The following EPB41L4B variants were observed in gnomAD, a reference collection of about 807,000 sequenced individuals.
EPB41L4B encodes erythrocyte membrane protein band 4.1 like 4B, also known as band 4.1-like protein 4B.
A neutral mutation model predicts 112.5 loss-of-function variants in EPB41L4B; 30 were observed. The ratio of observed to expected loss-of-function variants is 0.27; its 90% CI spans 0.20 to 0.36. The LOEUF is 0.36. Ranked by LOEUF, EPB41L4B falls within the 10% of genes least tolerant of loss-of-function variation. EPB41L4B has a pLI of 1.00. For missense variants in EPB41L4B, 1,024 were observed against 1,133.3 expected (o/e 0.90, Z 1.38); for synonymous variants, 408 against 439.7 (o/e 0.93, Z 0.90).
At chr9:109,183,460 G>A (rs566165753) in intron 23 of EPB41L4B, among the ~76,000 whole-genome samples, 3 of 152,288 alleles carry the variant, frequency 2.0e-5, no homozygotes, top group Non-Finnish European at 4.4e-5. Context: ...GTAGTACTGA[G>A]CTAGTCTGAA....
intron 1 of EPB41L4B, among the ~76,000 whole-genome samples, chr9:109,284,285 G>A (rs546217196): frequency 4.6e-4 from 70 of 152,240 alleles, no homozygotes; most frequent in South Asian, 1.7e-3. Context: ...CCCAAAGTAC[G>A]GTTTTCACTG....
In EPB41L4B at chr9:109,237,406, C is replaced by T. The variant is rs761225972; in HGVS notation, c.1409+6212G>A. On this transcript the variant is annotated intron_variant, in intron 15 of 25. Coordinates refer to ENST00000374566, the MANE Select transcript of EPB41L4B (RefSeq NM_019114.5). ...AACATGAATAGATGATAAACCAGTA[C>T]ATACCCGAGTTCCAAAATGTAAAAG... 2.1e-3 allele frequency among the ~76,000 whole-genome samples: 319 copies of T among 152,272 alleles called. 3 individuals are homozygous for T. Among genetic ancestry groups the T allele is most frequent in the Non-Finnish European group, 1.3e-3 (91 of 68,026 alleles).
At chr9:109,185,642 T>G (rs1588119351) in intron 22 of EPB41L4B, 37 bp from the exon 23 acceptor site, 4 of 1,508,292 alleles carry the variant, frequency 2.7e-6, no homozygotes, top group Non-Finnish European at 3.6e-6. Context: ...GAGGAGGAGG[T>G]GGCAAGAGAA....
intron 1 of EPB41L4B, chr9:109,300,385 T>C (rs1836916191): frequency 6.6e-6 from 1 of 152,162 alleles, no homozygotes; most frequent in Non-Finnish European, 1.5e-5. Context: ...TATTCATCAA[T>C]TGCTCACATA....
intron 12 of EPB41L4B, among the ~76,000 whole-genome samples, chr9:109,252,271 C>T (rs996996153): frequency 6.6e-6 from 1 of 152,186 alleles, no homozygotes; most frequent in Non-Finnish European, 1.5e-5. Context: ...TTGTTCCTTA[C>T]ACTGAGCTAT....
At chr9:109,184,448 A>AC (rs1422747027) in intron 23 of EPB41L4B, among the ~76,000 whole-genome samples, 2 of 152,168 alleles carry the variant, frequency 1.3e-5, no homozygotes, top group Non-Finnish European at 2.9e-5. Flanking sequence ...CAAACTCCTG[A>AC]CCTCAGGTGA....
chr9:109,184,565 T>A (rs1470281124), intron 23 of EPB41L4B, among the ~76,000 whole-genome samples: 1 of 152,232 alleles, frequency 6.6e-6, no homozygotes, highest in African/African-American at 2.4e-5. Flanking sequence ...AAGTTAGCAA[T>A]CTCAAAGAAT....
intron 1 of EPB41L4B, among the ~76,000 whole-genome samples, chr9:109,303,060 G>A (rs1837035279): frequency 6.8e-6 from 1 of 147,384 alleles, no homozygotes; most frequent in Non-Finnish European, 1.5e-5. Context: ...TAGCCTGGGT[G>A]ACTGACTGAG....
rs1400757032 is a variant in EPB41L4B at position 109,246,600 on chromosome 9, G to A, written c.1344+1156C>T. On this transcript the variant is annotated intron_variant, in intron 14 of 25. Coordinates refer to ENST00000374566, the MANE Select transcript of EPB41L4B (RefSeq NM_019114.5). ...TCCCTGTGAGTTGAACATATGGAGC[G>A]TGATGGGAGTGGTGAGAAATAAATA... Among the ~76,000 whole-genome samples the A allele has an allele frequency of 2.0e-5, 3 of 152,266 alleles. No individual in the cohort carries two copies. In the South Asian group the frequency reaches 6.2e-4, roughly 31 times the overall value.
chr9:109,276,548 C>T (rs1311706310), intron 2 of EPB41L4B, among the ~76,000 whole-genome samples: 1 of 152,226 alleles, frequency 6.6e-6, no homozygotes. Flanking sequence ...GACCCTCGCC[C>T]TCCCACCTGT....
chr9:109,239,496 T>TG (rs1234388230), intron 15 of EPB41L4B, among the ~76,000 whole-genome samples: 1 of 152,004 alleles, frequency 6.6e-6, no homozygotes, highest in Non-Finnish European at 1.5e-5. Context: ...TGAGAAGACT[T>TG]GGGTAGACTG....
chr9:109,231,599 C>G (rs933342913), intron 15 of EPB41L4B, among the ~76,000 whole-genome samples: 1 of 152,126 alleles, frequency 6.6e-6, no homozygotes, highest in African/African-American at 2.4e-5. Context: ...CTGACAAGAG[C>G]CTTTGGGGTT....
At chr9:109,234,160 T>C (rs1353921708) in intron 15 of EPB41L4B, among the ~76,000 whole-genome samples, 1 of 151,384 alleles carries the variant, frequency 6.6e-6, no homozygotes, top group Non-Finnish European at 1.5e-5. Flanking sequence ...ACAAAGGCAT[T>C]GTCATAATTG....
intron 21 of EPB41L4B, among the ~76,000 whole-genome samples, chr9:109,193,600 C>A (rs1832540801): frequency 6.6e-6 from 1 of 152,236 alleles, no homozygotes; most frequent in African/African-American, 2.4e-5. Flanking sequence ...TGAACCACTG[C>A]AACCTCTGAC....
At chr9:109,303,435 T>A (rs531972725) in intron 1 of EPB41L4B, among the ~76,000 whole-genome samples, 24 of 152,180 alleles carry the variant, frequency 1.6e-4, no homozygotes, top group African/African-American at 5.5e-4. Flanking sequence ...AACCTCCACC[T>A]CCCAGACTCA....
intron 15 of EPB41L4B, among the ~76,000 whole-genome samples, chr9:109,238,709 C>T (rs1834241628): frequency 6.6e-6 from 1 of 152,098 alleles, no homozygotes; most frequent in Non-Finnish European, 1.5e-5. Context: ...GAAATTAACC[C>T]AATTTGCAGA....
At chr9:109,288,896 C>CAA (rs148863066) in intron 1 of EPB41L4B, among the ~76,000 whole-genome samples, 218 of 149,684 alleles carry the variant, frequency 1.5e-3, no homozygotes, top group African/African-American at 5.1e-3. Flanking sequence ...AAGACCTTGT[C>CAA]AAAAAAAAGG....
intron 15 of EPB41L4B, among the ~76,000 whole-genome samples, chr9:109,233,811 C>A (rs957116409): frequency 3.3e-5 from 5 of 152,174 alleles, no homozygotes; most frequent in Non-Finnish European, 2.9e-5. Flanking sequence ...CGATTACAGG[C>A]ATGAGCCACC....
chr9:109,180,695 T>A (rs1832022098), intron 24 of EPB41L4B, among the ~76,000 whole-genome samples: 1 of 152,126 alleles, frequency 6.6e-6, no homozygotes, highest in African/African-American at 2.4e-5. Flanking sequence ...ATCATCCATC[T>A]CGTAAGACTG....
Sources: gnomAD v4.1 joint callset for allele counts (sites outside exome capture counted in the v4.1 genomes callset) on GRCh38, gnomAD v4.1.1 for gene constraint, MANE v1.5 for transcripts, NCBI Gene and HGNC (gene_info 2026-07-23, HGNC 2026-07-21) for gene names.